The following NLGN1 variants were observed in gnomAD, a reference collection of about 807,000 sequenced individuals.
The protein encoded by NLGN1 is neuroligin-1.
Under a neutral mutation model 65.5 loss-of-function variants are expected in NLGN1, and 12 were observed. The ratio of observed to expected loss-of-function variants is 0.18; its 90% CI spans 0.12 to 0.30. NLGN1 has a LOEUF of 0.30. Among genes scored for constraint, NLGN1 ranks in the 10% least tolerant of loss-of-function variants. NLGN1 has a pLI of 1.00. For synonymous variants in NLGN1, 350 were observed against 359.5 expected (o/e 0.97, Z 0.30); for missense variants, 750 against 1,007.1 (o/e 0.74, Z 3.46).
chr3:173,638,437 AG>A (rs1339729507), intron 3 of NLGN1, among the ~76,000 whole-genome samples: 2 of 151,750 alleles, frequency 1.3e-5, no homozygotes, highest in East Asian at 3.9e-4. Flanking sequence ...TTATTAAAAG[AG>A]GTATTTAAAT....
intron 3 of NLGN1, among the ~76,000 whole-genome samples, chr3:173,784,988 A>G (rs1411289279): frequency 1.3e-5 from 2 of 151,200 alleles, no homozygotes; most frequent in Non-Finnish European, 3.0e-5. Context: ...AAGAATACAC[A>G]CATTAACACA....
chr3:173,707,569 T>C (rs1768241086), intron 3 of NLGN1, among the ~76,000 whole-genome samples: 1 of 152,120 alleles, frequency 6.6e-6, no homozygotes, highest in African/African-American at 2.4e-5. Context: ...ATAAGAAGAC[T>C]GAGTCTCTGT....
chr3:174,286,731 A>T (rs1016637598), downstream of NLGN1: 1 of 151,592 alleles, frequency 6.6e-6, no homozygotes, highest in African/African-American at 2.4e-5. Context: ...GTTTTCTTAC[A>T]AAGTCTTTGT....
intron 1 of NLGN1, among the ~76,000 whole-genome samples, chr3:173,409,102 A>G (rs1341333503): frequency 2.0e-5 from 3 of 152,094 alleles, no homozygotes; most frequent in Non-Finnish European, 4.4e-5. Context: ...GAGAAAAACA[A>G]GAGTATGGGT....
chr3:173,480,645 A>AT (rs1727126535), intron 2 of NLGN1, among the ~76,000 whole-genome samples: 1 of 152,220 alleles, frequency 6.6e-6, no homozygotes, highest in Non-Finnish European at 1.5e-5. Flanking sequence ...AATGTAGTAA[A>AT]TTTTTTAATT....
At chr3:173,646,811 A>G (rs543810438) in intron 3 of NLGN1, among the ~76,000 whole-genome samples, 43 of 152,322 alleles carry the variant, frequency 2.8e-4, no homozygotes, top group African/African-American at 8.4e-4. Flanking sequence ...TTGAAAACAC[A>G]TAATAAAATA....
At chr3:173,788,087 C>A (rs2150351582) in intron 3 of NLGN1, among the ~76,000 whole-genome samples, 1 of 151,442 alleles carries the variant, frequency 6.6e-6, no homozygotes, top group Middle Eastern at 3.4e-3. Context: ...TTGTCCCAAA[C>A]CTGCCCATTT....
At chr3:173,835,993 G>T (rs9829309) in intron 4 of NLGN1, among the ~76,000 whole-genome samples, 109,538 of 152,112 alleles carry the variant, frequency 0.72, 39,880 homozygotes, top group African/African-American at 0.79. Context: ...CCATTTTGTA[G>T]GTAGGATGTC....
At chr3:173,968,170 T>C (rs1232733872) in intron 4 of NLGN1, among the ~76,000 whole-genome samples, 1 of 152,184 alleles carries the variant, frequency 6.6e-6, no homozygotes, top group African/African-American at 2.4e-5. Flanking sequence ...GGTTTTTCAA[T>C]TGTAGAGATT....
chr3:173,670,882 C>T (rs1178946015), intron 3 of NLGN1, among the ~76,000 whole-genome samples: 2 of 152,026 alleles, frequency 1.3e-5, no homozygotes, highest in South Asian at 2.1e-4. Flanking sequence ...TACTATAAAT[C>T]CAGATATACA....
intron 3 of NLGN1, among the ~76,000 whole-genome samples, chr3:173,757,060 A>C (rs898715389): frequency 2.0e-5 from 3 of 152,030 alleles, no homozygotes; most frequent in African/African-American, 7.2e-5. Context: ...ATAATTATCT[A>C]GAGGTGATGA....
At chr3:174,259,685 CT>C (rs5854562) in intron 4 of NLGN1, among the ~76,000 whole-genome samples, 6 of 144,738 alleles carry the variant, frequency 4.1e-5, no homozygotes, top group Admixed American at 7.1e-5. Context: ...AGTAGAATTC[CT>C]TTTTTTTTTA....
chr3:173,539,733 T>TA (rs1738353338), intron 2 of NLGN1, among the ~76,000 whole-genome samples: 3 of 125,592 alleles, frequency 2.4e-5, no homozygotes, highest in African/African-American at 1.0e-4. Flanking sequence ...TGCACATATA[T>TA]ACATATATGT....
chr3:173,711,280 G>T (rs1331659785), intron 3 of NLGN1, among the ~76,000 whole-genome samples: 1 of 152,140 alleles, frequency 6.6e-6, no homozygotes, highest in Admixed American at 6.5e-5. Context: ...AAAACCAACA[G>T]TGGGCTTGGT....
At chr3:174,213,226 C>A (rs749839131) in intron 4 of NLGN1, among the ~76,000 whole-genome samples, 1 of 152,070 alleles carries the variant, frequency 6.6e-6, no homozygotes, top group Admixed American at 6.5e-5. Context: ...TTGGAGCATA[C>A]GGTACCATTT....
At chr3:173,620,336 G>T (rs1753792513) in intron 3 of NLGN1, among the ~76,000 whole-genome samples, 2 of 151,996 alleles carry the variant, frequency 1.3e-5, no homozygotes, top group Admixed American at 1.3e-4. Flanking sequence ...GTTATGGGGT[G>T]GCAAGACTGT....
downstream of NLGN1, among the ~76,000 whole-genome samples, chr3:174,291,313 A>G (rs1752744184): frequency 6.6e-6 from 1 of 151,122 alleles, no homozygotes; most frequent in African/African-American, 2.4e-5. Context: ...GAAACACAAC[A>G]AATACAATGA....
At chr3:173,914,658 C>T (rs921895311) in intron 4 of NLGN1, among the ~76,000 whole-genome samples, 1 of 151,974 alleles carries the variant, frequency 6.6e-6, no homozygotes, top group African/African-American at 2.4e-5. Context: ...GATGGGGTTA[C>T]TATGTAAAAG....
At chr3:173,682,371 C>T (rs142002033) in intron 3 of NLGN1, among the ~76,000 whole-genome samples, 6 of 151,990 alleles carry the variant, frequency 3.9e-5, no homozygotes, top group African/African-American at 9.6e-5. Flanking sequence ...GGGTGGATCA[C>T]GAGGTCAAGA....
Sources: gnomAD v4.1 joint callset for allele counts (sites outside exome capture counted in the v4.1 genomes callset) on GRCh38, gnomAD v4.1.1 for gene constraint, MANE v1.5 for transcripts, NCBI Gene and HGNC (gene_info 2026-07-23, HGNC 2026-07-21) for gene names.